The following PDE1B variants were observed in gnomAD, a reference collection of about 807,000 sequenced individuals.
PDE1B encodes phosphodiesterase 1B, also known as dual specificity calcium/calmodulin-dependent 3',5'-cyclic nucleotide phosphodiesterase 1B.
Under a neutral mutation model 66.7 loss-of-function variants are expected in PDE1B, and 13 were observed. The ratio of observed to expected loss-of-function variants is 0.19; its 90% CI spans 0.13 to 0.31. The LOEUF (loss-of-function observed/expected upper bound fraction) is 0.31, where lower values mean the gene tolerates loss of function less well. PDE1B is among the 10% of genes least tolerant of loss of function. The pLI is 1.00. For missense variants in PDE1B, 485 were observed against 682.3 expected (o/e 0.71, Z 3.22); for synonymous variants, 230 against 253.9 (o/e 0.91, Z 0.90).
At chr12:54,561,601 C>T (rs1237408876) in intron 2 of PDE1B, 10 of 1,533,088 alleles carry the variant, frequency 6.5e-6, no homozygotes, top group Non-Finnish European at 8.7e-6. Context: ...AACCCTGTTC[C>T]TGTTCAGAGG....
chr12:54,551,539 G>A (rs745699301), intron 2 of PDE1B, among the ~76,000 whole-genome samples: 3 of 152,190 alleles, frequency 2.0e-5, no homozygotes, highest in Non-Finnish European at 4.4e-5. Flanking sequence ...TAAGGAAGTA[G>A]TTGAAAGGTA....
chr12:54,549,821 A>C, intron 1 of PDE1B, 39 bp from the exon 2 acceptor site: 2 of 1,419,742 alleles, frequency 1.4e-6, no homozygotes, highest in South Asian at 2.3e-5. Flanking sequence ...CTGGGGCTGA[A>C]GCTGAGCCGA....
rs112959818 is a variant in PDE1B at position 54,569,913 on chromosome 12, T to G, written c.477+301T>G. ...TGGGGTTTCACCATGTTGGCCAGGC[T>G]GGTCTCGAACTCTTGACCTCAAGTG... On this transcript the variant is annotated intron_variant, in intron 5 of 15. Transcript: ENST00000243052. The surrounding 1 kb of genome is among the most constrained non-coding windows in gnomAD (Gnocchi z 4.4). 6.6e-6 allele frequency among the ~76,000 whole-genome samples: 1 copy of G among 152,186 alleles called. No individual in the cohort carries two copies. Among genetic ancestry groups the G allele is most frequent in the African/African-American group, 2.4e-5 (1 of 41,448 alleles).
At chr12:54,554,850 T>G (rs1957323989) in intron 2 of PDE1B, among the ~76,000 whole-genome samples, 1 of 152,216 alleles carries the variant, frequency 6.6e-6, no homozygotes, top group Non-Finnish European at 1.5e-5. Context: ...TTTGAAATGA[T>G]AAAGCCTGAA....
At chr12:54,550,587 G>T (rs1957262752) in intron 2 of PDE1B, among the ~76,000 whole-genome samples, 1 of 139,088 alleles carries the variant, frequency 7.2e-6, no homozygotes. Context: ...TATTAATGAT[G>T]AGGGGACCCA....
Position 54,575,431 on chromosome 12 carries a change from G to T in PDE1B, c.1186-120G>T. The stretch of plus-strand genomic sequence containing the variant: ...TTCATTTGCATATTACTAATTTCCA[G>T]GTCAACAGTGCAGAAATTTCACACA... On this transcript the variant is annotated intron_variant, in intron 11 of 15. Transcript: ENST00000243052. The surrounding 1 kb of genome is among the most constrained non-coding windows in gnomAD (Gnocchi z 4.0). 1 of 798,116 alleles carries T rather than the reference G, an allele frequency of 1.3e-6. No individual in the cohort carries two copies. The highest frequency in any genetic ancestry group is 1.5e-5 in the South Asian group (1 of 68,904). The allele number at this position is 798,116 out of a possible 1,614,324, so 49.4% of individuals were successfully genotyped here. A position where few individuals can be genotyped will look rare whatever the true frequency, so the allele number is the denominator to read the frequency against.
chr12:54,558,478 G>A (rs986311981), intron 2 of PDE1B, among the ~76,000 whole-genome samples: 11 of 152,064 alleles, frequency 7.2e-5, no homozygotes, highest in East Asian at 1.9e-4. Context: ...AGCCACCCCC[G>A]CCACAATGCC....
Position 54,575,869 on chromosome 12 carries a change from C to A in PDE1B, c.1268-123C>A. ...TGCCCTGCATTGGGAAGTTTTCAGC[C>A]CCAGGTTACCTCTCCATCCTCTTTC... is the stretch of plus-strand genomic sequence containing the variant. On this transcript the variant is annotated intron_variant, in intron 12 of 15. Coordinates refer to ENST00000243052, the MANE Select transcript of PDE1B (RefSeq NM_000924.4). This position sits in a 1 kb window ranked among gnomAD's most constrained non-coding sequence, Gnocchi z 4.0. The A allele has an allele frequency of 1.2e-6, 1 of 816,692 alleles. No individual in the cohort carries two copies. Among genetic ancestry groups the A allele is most frequent in the Non-Finnish European group, 2.1e-6 (1 of 477,324 alleles). The allele number at this position is 816,692 out of a possible 1,614,324, so 50.6% of individuals were successfully genotyped here. A position where few individuals can be genotyped will look rare whatever the true frequency, so the allele number is the denominator to read the frequency against.
chr12:54,562,743 T>TGCA (rs1957440461), intron 2 of PDE1B, among the ~76,000 whole-genome samples: 1 of 151,920 alleles, frequency 6.6e-6, no homozygotes, highest in South Asian at 2.1e-4. Context: ...CTTCAGGAGG[T>TGCA]TGCAGTTCAG....
At chr12:54,572,561 G>T (rs200483504) in intron 6 of PDE1B, 40 bp from the exon 7 acceptor site, 403 of 1,596,006 alleles carry the variant, frequency 2.5e-4, no homozygotes, top group Middle Eastern at 1.5e-3. Context: ...CCATTCCTGT[G>T]GATCCTTGAT....
At chr12:54,563,011 T>G (rs1299670073) in intron 2 of PDE1B, among the ~76,000 whole-genome samples, 1 of 152,182 alleles carries the variant, frequency 6.6e-6, no homozygotes, top group Non-Finnish European at 1.5e-5. Flanking sequence ...CTCACTGTTA[T>G]TTTTAGAAAC....
At chr12:54,558,441 C>G (rs1031814637) in intron 2 of PDE1B, among the ~76,000 whole-genome samples, 4 of 152,018 alleles carry the variant, frequency 2.6e-5, no homozygotes, top group African/African-American at 9.7e-5. Context: ...CCCAGCTTTG[C>G]CACTGGGGGG....
rs1592376512 is a variant in PDE1B at position 54,566,917 on chromosome 12, T to C, written c.114-57T>C. 4 of 822,412 alleles carry C rather than the reference T, an allele frequency of 4.9e-6. No individual in the cohort carries two copies. In the East Asian group the frequency reaches 7.5e-5, roughly 15 times the overall value. The allele number at this position is 822,412 out of a possible 1,614,324, so 50.9% of individuals were successfully genotyped here. A position where few individuals can be genotyped will look rare whatever the true frequency, so the allele number is the denominator to read the frequency against. On this transcript the variant is annotated intron_variant, in intron 2 of 15. Transcript: ENST00000243052. ...AAATGTACCTTATTAGGGAGTATGCTGTTCTCATGATAAGGTAGCTGTGCC... is the reference window on the plus strand; with the variant it reads ...AAATGTACCTTATTAGGGAGTATGCCGTTCTCATGATAAGGTAGCTGTGCC...
Position 54,576,079 on chromosome 12 carries a change from C to G in PDE1B, c.1355C>G (p.Ser452Cys). Residue 452 changes from serine (S) to cysteine (C), a missense_variant, in exon 13 of 16, where the codon TCC becomes TGC. This residue lies in a region of PDE1B where 126 missense variants were observed against 133.8 expected (regional missense o/e 0.94). Transcript: ENST00000243052. ...GTTCAGCCCCTGGCGGATGAGGACT[C>G]CAAGTCTAAAAACCAGCCCAGGTGA... ...KSVQPLADED[S>C]KSKNQPSFQW... is the part of the protein sequence containing the mutation. 1 of 1,612,168 alleles carries G rather than the reference C, an allele frequency of 6.2e-7. No homozygotes were observed. The highest frequency in any genetic ancestry group is 8.5e-7 in the Non-Finnish European group (1 of 1,178,208).
At position 54,564,174 on chromosome 12, in the gene PDE1B, A is replaced by G. The variant is rs143971254; in HGVS notation, c.114-2800A>G. Among the ~76,000 whole-genome samples the G allele has an allele frequency of 1.4e-4, 21 of 152,296 alleles. 1 individual carries two copies. The East Asian group carries it at 4.0e-3, about 29-fold the overall frequency. On this transcript the variant is annotated intron_variant, in intron 2 of 15. Coordinates refer to ENST00000243052, the MANE Select transcript of PDE1B (RefSeq NM_000924.4). Reference sequence around the variant, plus strand: ...GCTGAACTGTACCCTCCTGAAGTCAAATAACACCCCCCACACCCATACTTT... The same window carrying G: ...GCTGAACTGTACCCTCCTGAAGTCAGATAACACCCCCCACACCCATACTTT...
Position 54,573,313 on chromosome 12 carries a change from C to T in PDE1B, c.837-42C>T. ...AGGAGGTGGGGAGGTTGCCGGAGTCCCTCCTTACAGGGGGTGGTCATGATG... is the reference window on the plus strand; with the variant it reads ...AGGAGGTGGGGAGGTTGCCGGAGTCTCTCCTTACAGGGGGTGGTCATGATG... On this transcript the variant is annotated intron_variant, in intron 8 of 15. Transcript: ENST00000243052. The surrounding 1 kb of genome is among the most constrained non-coding windows in gnomAD (Gnocchi z 5.2). The T allele has an allele frequency of 1.9e-6, 3 of 1,613,902 alleles. No homozygotes were observed. Among genetic ancestry groups the T allele is most frequent in the Non-Finnish European group, 2.5e-6 (3 of 1,179,844 alleles).
chr12:54,571,194 C>T (rs954664588), intron 6 of PDE1B: 3 of 152,252 alleles, frequency 2.0e-5, no homozygotes, highest in South Asian at 2.1e-4. Context: ...CCTCTGCCTC[C>T]ACTTCACTAG....
chr12:54,553,686 G>C (rs994021898), intron 2 of PDE1B, among the ~76,000 whole-genome samples: 1 of 152,102 alleles, frequency 6.6e-6, no homozygotes, highest in African/African-American at 2.4e-5. Context: ...GTTGAGTGGC[G>C]GGGGGAGGAG....
chr12:54,554,232 C>A (rs925447731), intron 2 of PDE1B: 1 of 152,156 alleles, frequency 6.6e-6, no homozygotes, highest in Non-Finnish European at 1.5e-5. Flanking sequence ...ATGGAGTGAT[C>A]TTCTATGGTT....
Sources: gnomAD v4.1 joint callset for allele counts (sites outside exome capture counted in the v4.1 genomes callset) on GRCh38, gnomAD v4.1.1 for gene constraint, gnomAD v4.1.1 regional missense constraint, Gnocchi (gnomAD v3.1) non-coding constraint, MANE v1.5 for transcripts, NCBI Gene and HGNC (gene_info 2026-07-23, HGNC 2026-07-21) for gene names.